Variants in LYPLAL1 observed in about 807,000 individuals in gnomAD.
LYPLAL1 encodes lysophospholipase-like protein 1.
In LYPLAL1, 23 loss-of-function variants were observed where a neutral mutation model predicts 19.7. That is an observed-to-expected ratio of 1.17 (90% CI 0.84 to 1.65). LYPLAL1 has a LOEUF of 1.65. Ranked by LOEUF, LYPLAL1 falls within the 40% of genes most tolerant of loss-of-function variation. The probability of loss-of-function intolerance (pLI) is 0.00; values close to 1 mark genes in which losing one functional copy is unlikely to be tolerated. For synonymous variants in LYPLAL1, 119 were observed against 96.3 expected, an observed-to-expected ratio of 1.24 and a Z score of -1.38; for missense variants, 355 against 279.4, an observed-to-expected ratio of 1.27 and a Z score of -1.93.
the LYPLAL1 span, among the ~76,000 whole-genome samples, chr1:219,291,926 G>T: frequency 5.3e-5 from 8 of 151,940 alleles, no homozygotes; most frequent in South Asian, 1.7e-3. Context: ...AACTTAGCTT[G>T]CTTACTTTTT....
the LYPLAL1 span, among the ~76,000 whole-genome samples, chr1:219,345,912 T>G: frequency 6.6e-6 from 1 of 152,232 alleles, no homozygotes; most frequent in African/African-American, 2.4e-5. Context: ...CGAGTGGTTC[T>G]CCTTTATCCC....
At chr1:219,258,310 A>G in the LYPLAL1 span, among the ~76,000 whole-genome samples, 1 of 152,092 alleles carries the variant, frequency 6.6e-6, no homozygotes, top group Non-Finnish European at 1.5e-5. Flanking sequence ...GGATTAAGAG[A>G]TTAAAGTAAT....
At chr1:219,418,173 G>A in the LYPLAL1 span, among the ~76,000 whole-genome samples, 125,159 of 152,144 alleles carry the variant, frequency 0.82, 52,007 homozygotes, top group African/African-American at 0.91. Context: ...TTAAAACCTC[G>A]AAAAAAGTTA....
chr1:219,401,919 C>T, the LYPLAL1 span, among the ~76,000 whole-genome samples: 5 of 152,186 alleles, frequency 3.3e-5, no homozygotes, highest in South Asian at 8.3e-4. Context: ...TTGACAAATG[C>T]CCAGGTTGGT....
the LYPLAL1 span, among the ~76,000 whole-genome samples, chr1:219,433,536 T>A: frequency 6.6e-6 from 1 of 152,218 alleles, no homozygotes; most frequent in Non-Finnish European, 1.5e-5. Context: ...CTAACAATAT[T>A]AAGGGTAGTT....
chr1:219,379,152 G>C, the LYPLAL1 span, among the ~76,000 whole-genome samples: 1 of 152,092 alleles, frequency 6.6e-6, no homozygotes, highest in Non-Finnish European at 1.5e-5. Flanking sequence ...ATGTCCTAAG[G>C]GGATTTTGGT....
At chr1:219,315,313 G>T in the LYPLAL1 span, among the ~76,000 whole-genome samples, 5 of 152,042 alleles carry the variant, frequency 3.3e-5, no homozygotes, top group African/African-American at 1.2e-4. Flanking sequence ...ATGAAATTTA[G>T]GACTTTTGAC....
chr1:219,391,478 T>C, the LYPLAL1 span, among the ~76,000 whole-genome samples: 1 of 152,182 alleles, frequency 6.6e-6, no homozygotes, highest in Non-Finnish European at 1.5e-5. Flanking sequence ...GATTGTGTCT[T>C]CACACCTCTT....
chr1:219,202,436 T>C (rs1359904995), intron 3 of LYPLAL1, among the ~76,000 whole-genome samples: 1 of 152,206 alleles, frequency 6.6e-6, no homozygotes, highest in East Asian at 1.9e-4. Context: ...TGAGCTCTGC[T>C]TCCCTCTTTC....
chr1:219,376,251 A>C, the LYPLAL1 span, among the ~76,000 whole-genome samples: 1 of 15,332 alleles, frequency 6.5e-5, no homozygotes, highest in Non-Finnish European at 1.3e-4. Flanking sequence ...CAGTTTCTTC[A>C]ACAAATGGTG....
the LYPLAL1 span, among the ~76,000 whole-genome samples, chr1:219,246,187 T>C: frequency 6.6e-6 from 1 of 152,046 alleles, no homozygotes; most frequent in Non-Finnish European, 1.5e-5. Context: ...GCAGATGCCA[T>C]CCGTGGTCCG....
At chr1:219,253,584 T>G in the LYPLAL1 span, among the ~76,000 whole-genome samples, 1 of 149,600 alleles carries the variant, frequency 6.7e-6, no homozygotes, top group African/African-American at 2.5e-5. Context: ...AATTGCTTGT[T>G]TTTTTAGTGA....
chr1:219,347,910 A>T, the LYPLAL1 span, among the ~76,000 whole-genome samples: 2 of 152,150 alleles, frequency 1.3e-5, no homozygotes, highest in East Asian at 3.8e-4. Context: ...AGGAGCAGCC[A>T]AAAGAAAAGC....
At chr1:219,341,909 A>G in the LYPLAL1 span, among the ~76,000 whole-genome samples, 1 of 152,154 alleles carries the variant, frequency 6.6e-6, no homozygotes, top group African/African-American at 2.4e-5. Context: ...TTTCTAATAG[A>G]TTTGTTTTAC....
downstream of LYPLAL1, among the ~76,000 whole-genome samples, chr1:219,213,433 CTG>C (rs1277617436): frequency 1.3e-5 from 2 of 149,690 alleles, no homozygotes; most frequent in East Asian, 3.9e-4. Flanking sequence ...ACAACCTTGT[CTG>C]TATCTACAAA....
chr1:219,343,939 T>G, the LYPLAL1 span, among the ~76,000 whole-genome samples: 1 of 152,186 alleles, frequency 6.6e-6, no homozygotes, highest in African/African-American at 2.4e-5. Flanking sequence ...TCTCCACAGC[T>G]AATTGTATTT....
the LYPLAL1 span, among the ~76,000 whole-genome samples, chr1:219,332,283 G>A: frequency 6.6e-6 from 1 of 152,094 alleles, no homozygotes; most frequent in Non-Finnish European, 1.5e-5. Flanking sequence ...GCAGGATCCT[G>A]GACCCCAGAC....
At chr1:219,433,619 A>C in the LYPLAL1 span, among the ~76,000 whole-genome samples, 1 of 152,200 alleles carries the variant, frequency 6.6e-6, no homozygotes, top group Non-Finnish European at 1.5e-5. Context: ...GTGAGAGCTG[A>C]AAAACACAGT....
chr1:219,309,029 G>A, the LYPLAL1 span, among the ~76,000 whole-genome samples: 48,941 of 152,082 alleles, frequency 0.32, 8,327 homozygotes, highest in East Asian at 0.61. Context: ...AGCCACAGGG[G>A]CGGAATTGCC....
Sources: gnomAD v4.1 joint callset for allele counts (sites outside exome capture counted in the v4.1 genomes callset) on GRCh38, gnomAD v4.1.1 for gene constraint, MANE v1.5 for transcripts, NCBI Gene and HGNC (gene_info 2026-07-23, HGNC 2026-07-21) for gene names.